Variants in ANKRD44 observed in about 807,000 individuals in gnomAD.
ANKRD44 encodes the protein ankyrin repeat domain 44.
In ANKRD44, 35 loss-of-function variants were observed where a neutral mutation model predicts 116.0. The observed-to-expected ratio is 0.30, with a 90% CI of 0.23 to 0.40. The LOEUF (loss-of-function observed/expected upper bound fraction) is 0.40, where lower values mean the gene tolerates loss of function less well. Among genes scored for constraint, ANKRD44 ranks in the 10% least tolerant of loss-of-function variants. The pLI is 1.00. For missense variants in ANKRD44, 1,014 were observed against 1,242.6 expected, an observed-to-expected ratio of 0.82 and a Z score of 2.77; for synonymous variants, 435 against 461.8, an observed-to-expected ratio of 0.94 and a Z score of 0.74.
chr2:197,205,085 C>T (rs1468120344), intron 1 of ANKRD44, among the ~76,000 whole-genome samples: 1 of 152,206 alleles, frequency 6.6e-6, no homozygotes, highest in Non-Finnish European at 1.5e-5. Context: ...GTCAAAAGCT[C>T]CCAATTGTGG....
At chr2:197,145,715 A>T (rs2079484323) in intron 3 of ANKRD44, among the ~76,000 whole-genome samples, 1 of 152,182 alleles carries the variant, frequency 6.6e-6, no homozygotes, top group Non-Finnish European at 1.5e-5. Context: ...CGTGTTGCTT[A>T]TGCATCACAG....
intron 4 of ANKRD44, among the ~76,000 whole-genome samples, chr2:197,127,710 G>A (rs549472548): frequency 2.0e-5 from 3 of 152,232 alleles, no homozygotes; most frequent in African/African-American, 4.8e-5. Flanking sequence ...TGTGCAGAAT[G>A]TACAGGTTAT....
intron 1 of ANKRD44, among the ~76,000 whole-genome samples, chr2:197,196,953 G>A (rs191944203): frequency 1.1e-4 from 16 of 148,142 alleles, no homozygotes; most frequent in Admixed American, 1.1e-3. Context: ...TTCCTGTTCT[G>A]GCCATTGTCA....
intron 18 of ANKRD44, among the ~76,000 whole-genome samples, chr2:197,012,268 T>C (rs762802665): frequency 1.3e-5 from 2 of 152,200 alleles, no homozygotes; most frequent in Non-Finnish European, 2.9e-5. Flanking sequence ...CATATCACAC[T>C]GGCAAATGAG....
intron 9 of ANKRD44, among the ~76,000 whole-genome samples, chr2:197,109,466 G>A (rs1369739897): frequency 6.6e-6 from 1 of 152,210 alleles, no homozygotes; most frequent in African/African-American, 2.4e-5. Flanking sequence ...TCACTGGAAT[G>A]CATATAAATT....
chr2:197,030,976 C>T (rs1026888668), intron 16 of ANKRD44, among the ~76,000 whole-genome samples: 2 of 151,968 alleles, frequency 1.3e-5, no homozygotes, highest in Non-Finnish European at 2.9e-5. Flanking sequence ...ATACCTAGCC[C>T]ATAATATTAA....
intron 16 of ANKRD44, among the ~76,000 whole-genome samples, chr2:197,051,648 C>T (rs968584140): frequency 8.5e-5 from 13 of 152,200 alleles, no homozygotes; most frequent in Non-Finnish European, 1.0e-4. Context: ...GATAAATTAA[C>T]AGTACTAGCT....
intron 26 of ANKRD44, 141 bp from the exon 27 acceptor site, chr2:196,993,815 A>T: frequency 3.0e-6 from 2 of 657,494 alleles, no homozygotes; most frequent in Non-Finnish European, 5.1e-6. Flanking sequence ...AGAAAAAAAA[A>T]TGCTGACCAG....
intron 10 of ANKRD44, among the ~76,000 whole-genome samples, chr2:197,093,655 A>G (rs2078097673): frequency 1.3e-5 from 2 of 152,248 alleles, no homozygotes; most frequent in Admixed American, 6.5e-5. Context: ...GAAATAAAAG[A>G]AAAGCAGAAT....
chr2:197,146,704 C>T (rs1364930797), intron 3 of ANKRD44, among the ~76,000 whole-genome samples: 1 of 148,066 alleles, frequency 6.8e-6, no homozygotes, highest in African/African-American at 2.6e-5. Flanking sequence ...TTCATGTAGA[C>T]TTTAAACTAG....
chr2:196,991,113 G>A (rs142719886), intron 27 of ANKRD44, among the ~76,000 whole-genome samples: 1 of 152,216 alleles, frequency 6.6e-6, no homozygotes, highest in African/African-American at 2.4e-5. Context: ...GGGGAGGGAG[G>A]GGGAGACATT....
At chr2:197,095,187 A>G (rs1191507367) in intron 10 of ANKRD44, among the ~76,000 whole-genome samples, 1 of 152,258 alleles carries the variant, frequency 6.6e-6, no homozygotes, top group Non-Finnish European at 1.5e-5. Context: ...CAACTGGCAT[A>G]AAAGCATTTT....
rs557805841 is a variant in ANKRD44, at chr2:197,179,017, G to A, written c.111+8006C>T. 9.2e-5 allele frequency among the ~76,000 whole-genome samples: 14 copies of A among 152,174 alleles called. No individual in the cohort carries two copies. The South Asian group carries it at 1.2e-3, about 14-fold the overall frequency. ...GCCCAGGAGTTTGAGGCTGCAGTGA[G>A]CTATAACCACACCACCGCACTCCAA... is the stretch of plus-strand genomic sequence containing the variant. On this transcript the variant is annotated intron_variant, in intron 2 of 27. Coordinates refer to ENST00000282272, the MANE Select transcript of ANKRD44 (RefSeq NM_001195144.2).
intron 8 of ANKRD44, among the ~76,000 whole-genome samples, chr2:197,115,778 C>T (rs1186306396): frequency 6.6e-6 from 1 of 152,182 alleles, no homozygotes; most frequent in Non-Finnish European, 1.5e-5. Context: ...TAGACAGCTA[C>T]CTCCAGAGTC....
In ANKRD44 at chr2:196,978,520, T is replaced by C. The variant is rs76498877; in HGVS notation, c.2369-11074A>G. Among the ~76,000 whole-genome samples the C allele has an allele frequency of 6.2e-3, 938 of 152,290 alleles. 7 individuals are homozygous for C. The highest frequency in any genetic ancestry group is 0.021 in the African/African-American group (888 of 41,550). ...TAGAAGCCAGTCACAAAGAGCCACA[T>C]AGTGTATTATTTCATTTACATGAAA... On this transcript the variant is annotated intron_variant, in intron 21 of 21. Coordinates refer to the ANKRD44 transcript ENST00000424317.
intron 1 of ANKRD44, among the ~76,000 whole-genome samples, chr2:197,190,188 G>A (rs1163591641): frequency 6.6e-6 from 1 of 151,402 alleles, no homozygotes; most frequent in African/African-American, 2.4e-5. Context: ...AGGTACATAT[G>A]CATACCTATC....
Position 197,212,029 on chromosome 2 carries a change from CT to C in ANKRD44, c.28-24924del, listed in dbSNP as rs1482406486. Among the ~76,000 whole-genome samples, 4,238 of 124,240 alleles carry C rather than the reference CT, an allele frequency of 0.034. 218 individuals are homozygous for C. The highest frequency in any genetic ancestry group is 0.11 in the African/African-American group (3,967 of 35,704). 81.5% of individuals were successfully genotyped at this position (124,240 alleles called of 152,430 possible). On this transcript the variant is annotated intron_variant, in intron 1 of 27. Transcript: ENST00000282272. This position sits in a 1 kb window ranked among gnomAD's most constrained non-coding sequence, Gnocchi z 4.8. ...GGAATTCCCTTCACTGAGCCTCTCT[CT>C]CTCTCTCAGTCTCTCTCTCTCTCAC...
chr2:197,171,716 A>T (rs2080238372), intron 2 of ANKRD44, among the ~76,000 whole-genome samples: 2 of 152,156 alleles, frequency 1.3e-5, no homozygotes, highest in African/African-American at 4.8e-5. Context: ...GTTTGTCATG[A>T]TGATGTTCAT....
In ANKRD44 at chr2:197,310,516, C is replaced by T. The variant is rs1325539235; in HGVS notation, c.27+62G>A. 1.4e-5 allele frequency: 14 copies of T among 1,002,204 alleles called. No individual in the cohort carries two copies. In the East Asian group the frequency reaches 9.2e-4, roughly 66 times the overall value. 62.1% of individuals were successfully genotyped at this position (1,002,204 alleles called of 1,614,324 possible). A position where few individuals can be genotyped will look rare whatever the true frequency, so the allele number is the denominator to read the frequency against. Reference sequence around the variant, plus strand: ...GCGCTCCAGCCGCGCCCCCATCCCCCCGCCGGGCTCCGCGCCGCCCCGCGC... The same window carrying T: ...GCGCTCCAGCCGCGCCCCCATCCCCTCGCCGGGCTCCGCGCCGCCCCGCGC... On this transcript the variant is annotated intron_variant, in intron 1 of 27. Transcript: ENST00000282272.
Sources: allele counts gnomAD v4.1 joint callset (sites outside exome capture counted in the v4.1 genomes callset), GRCh38; gene constraint gnomAD v4.1.1; non-coding constraint Gnocchi (gnomAD v3.1); transcripts MANE v1.5; gene names NCBI Gene and HGNC (gene_info 2026-07-23, HGNC 2026-07-21).